Variants in CNOT4 observed in about 807,000 individuals in gnomAD.
CNOT4 encodes the protein CCR4-associated factor 4.
CNOT4 carries 8 observed loss-of-function variants against 73.8 expected under a neutral mutation model. The ratio of observed to expected loss-of-function variants is 0.11; its 90% CI spans 0.06 to 0.20. CNOT4 has a LOEUF of 0.20. CNOT4 is among the 10% of genes least tolerant of loss of function. The probability of loss-of-function intolerance (pLI) is 1.00; values close to 1 mark genes in which losing one functional copy is unlikely to be tolerated. For synonymous variants in CNOT4, 293 were observed against 321.1 expected (o/e 0.91, Z 0.94); for missense variants, 564 against 883.4 (o/e 0.64, Z 4.58).
intron 3 of CNOT4, among the ~76,000 whole-genome samples, chr7:135,415,472 C>T (rs1797816792): frequency 6.6e-6 from 1 of 151,998 alleles, no homozygotes; most frequent in South Asian, 2.1e-4. Flanking sequence ...TCTTGACCCA[C>T]TGAATAGAAA....
At chr7:135,509,514 G>C (rs1194928957) in intron 1 of CNOT4, 1 of 152,854 alleles carries the variant, frequency 6.5e-6, no homozygotes, top group East Asian at 1.9e-4. Context: ...AAGGACGTCA[G>C]ACAGGGAACA....
chr7:135,505,767 ATAG>A (rs1015323678), intron 1 of CNOT4, among the ~76,000 whole-genome samples: 6 of 152,290 alleles, frequency 3.9e-5, no homozygotes, highest in African/African-American at 1.2e-4. Context: ...AGGAGACAAA[ATAG>A]TGGTGAAATT....
rs572661697 is a variant in CNOT4, at chr7:135,413,173, C to T, written c.687+315G>A. On this transcript the variant is annotated intron_variant, in intron 6 of 11. Transcript: ENST00000541284. ...TTTCCCAAAGTGTTTTCCTGGTCAACTAAGTTCTGGTTGTAAATTCCCTTC... is the reference window on the plus strand; with the variant it reads ...TTTCCCAAAGTGTTTTCCTGGTCAATTAAGTTCTGGTTGTAAATTCCCTTC... Among the ~76,000 whole-genome samples, 5 of 151,920 alleles carry T rather than the reference C, an allele frequency of 3.3e-5. No individual in the cohort carries two copies. In the South Asian group the frequency reaches 1.0e-3, roughly 32 times the overall value.
chr7:135,507,819 C>T (rs1264467574), intron 1 of CNOT4, among the ~76,000 whole-genome samples: 1 of 152,142 alleles, frequency 6.6e-6, no homozygotes, highest in African/African-American at 2.4e-5. Context: ...ATTAAATACA[C>T]TCCTACTGAT....
Position 135,410,572 on chromosome 7 carries a change from G to A in CNOT4, c.764C>T (p.Ser255Phe), listed in dbSNP as rs376354604. 12 of 1,584,788 alleles carry A rather than the reference G, an allele frequency of 7.6e-6. No individual in the cohort carries two copies. Among genetic ancestry groups the A allele is most frequent in the Non-Finnish European group, 9.4e-6 (11 of 1,165,596 alleles). ...CTTATTTTTATCAACTGAACCCGTA[G>A]ATAGCTGAAGAAAATTGGGATTTAA... ...YKLNPNFLQL[S>F]TGSVDKNKNK... The change falls in exon 7 of 12, where the codon TCT becomes TTT. Residue 255 changes from serine (S) to phenylalanine (F), a missense_variant. Coordinates refer to ENST00000541284, the MANE Select transcript of CNOT4 (RefSeq NM_001190850.2).
rs570015698 is a variant in CNOT4, at chr7:135,470,136, T to G, written c.-92-31713A>C. On this transcript the variant is annotated intron_variant, in intron 1 of 11. Coordinates refer to ENST00000541284, the MANE Select transcript of CNOT4 (RefSeq NM_001190850.2). The stretch of plus-strand genomic sequence containing the variant: ...CCGTGCCGAGCCTGGTGTGTTTTTT[T>G]GGGGGGGGAGGCCAGGGTCTCACTT... 7.2e-3 allele frequency among the ~76,000 whole-genome samples: 1,082 copies of G among 150,550 alleles called. 5 individuals are homozygous for G. The highest frequency in any genetic ancestry group is 0.02 in the Middle Eastern group (6 of 294).
chr7:135,477,456 C>T (rs1434626597), intron 1 of CNOT4, among the ~76,000 whole-genome samples: 1 of 152,188 alleles, frequency 6.6e-6, no homozygotes, highest in African/African-American at 2.4e-5. Flanking sequence ...ATAAAAACCA[C>T]TGTAAACAAT....
chr7:135,388,914 G>A, intron 10 of CNOT4: 1 of 1,610,946 alleles, frequency 6.2e-7, no homozygotes, highest in Non-Finnish European at 8.5e-7. Flanking sequence ...AGTCAGTCAT[G>A]GTCTAGTTAT....
Position 135,362,849 on chromosome 7 carries a change from C to T in CNOT4, c.*36G>A, listed in dbSNP as rs1403357910. 1 of 1,578,080 alleles carries T rather than the reference C, an allele frequency of 6.3e-7. No individual in the cohort carries two copies. Among genetic ancestry groups the T allele is most frequent in the African/African-American group, 1.4e-5 (1 of 74,028 alleles). The stretch of plus-strand genomic sequence containing the variant: ...CTGAGAGGGAGAAAACAGAGTGGGA[C>T]AAATCCTGCATTTTCTAATGGTTGC... On this transcript the variant is annotated 3_prime_UTR_variant, in exon 12 of 12. Transcript: ENST00000541284.
intron 1 of CNOT4, among the ~76,000 whole-genome samples, chr7:135,441,158 T>A (rs1799456832): frequency 1.3e-5 from 2 of 152,110 alleles, no homozygotes; most frequent in African/African-American, 4.8e-5. Context: ...CACCAAAATG[T>A]TGTTATTTCA....
chr7:135,387,289 G>C, intron 10 of CNOT4: 1 of 985,164 alleles, frequency 1.0e-6, no homozygotes, highest in Non-Finnish European at 1.2e-6. Context: ...TAAATGGCTA[G>C]ACAATTCGCT....
chr7:135,470,829 T>C (rs569901495), intron 1 of CNOT4, among the ~76,000 whole-genome samples: 1 of 151,948 alleles, frequency 6.6e-6, no homozygotes, highest in African/African-American at 2.4e-5. Context: ...GGGAGACAGG[T>C]ATTGAGTAGG....
chr7:135,500,095 A>G (rs1284094629), intron 1 of CNOT4, among the ~76,000 whole-genome samples: 2 of 152,174 alleles, frequency 1.3e-5, no homozygotes, highest in African/African-American at 4.8e-5. Flanking sequence ...AAGTCACTAA[A>G]AGGTTCATGG....
intron 1 of CNOT4, among the ~76,000 whole-genome samples, chr7:135,442,191 C>A (rs1799518815): frequency 6.6e-6 from 1 of 152,214 alleles, no homozygotes; most frequent in African/African-American, 2.4e-5. Flanking sequence ...TAGTACCCCT[C>A]TGAACTAAGC....
chr7:135,468,778 A>C (rs904057237), intron 1 of CNOT4, among the ~76,000 whole-genome samples: 7 of 152,116 alleles, frequency 4.6e-5, no homozygotes, highest in African/African-American at 1.7e-4. Flanking sequence ...CCTTTACAGC[A>C]AATTAGCATG....
chr7:135,476,731 G>A (rs1378247928), intron 1 of CNOT4, among the ~76,000 whole-genome samples: 1 of 152,142 alleles, frequency 6.6e-6, no homozygotes, highest in African/African-American at 2.4e-5. Context: ...CAGCACTTTG[G>A]GAGGCCAAGG....
intron 7 of CNOT4, among the ~76,000 whole-genome samples, chr7:135,402,398 G>A (rs974351393): frequency 2.0e-5 from 3 of 152,012 alleles, no homozygotes; most frequent in African/African-American, 4.8e-5. Flanking sequence ...CGTGAGCCAC[G>A]GCACCTGGCT....
chr7:135,424,573 T>G (rs1585623246), intron 2 of CNOT4, among the ~76,000 whole-genome samples: 1 of 151,928 alleles, frequency 6.6e-6, no homozygotes, highest in Non-Finnish European at 1.5e-5. Context: ...TCACTCGAGG[T>G]CAGGAGTTCA....
At chr7:135,390,368 G>A (rs1426245270) in intron 10 of CNOT4, among the ~76,000 whole-genome samples, 1 of 151,884 alleles carries the variant, frequency 6.6e-6, no homozygotes, top group Non-Finnish European at 1.5e-5. Context: ...CTAAAATGAA[G>A]GAATTGGACA....
Sources: allele counts gnomAD v4.1 joint callset (sites outside exome capture counted in the v4.1 genomes callset), GRCh38; gene constraint gnomAD v4.1.1; transcripts MANE v1.5; gene names NCBI Gene and HGNC (gene_info 2026-07-23, HGNC 2026-07-21).